Variants in PRP4K observed in about 807,000 individuals in gnomAD.
PRP4K encodes the protein pre-mRNA processing factor kinase PRP4K, also known as serine/threonine-protein kinase PRP4 homolog.
the PRP4K span, among the ~76,000 whole-genome samples, chr6:4,024,042 T>C: frequency 6.6e-6 from 1 of 152,074 alleles, no homozygotes; most frequent in Non-Finnish European, 1.5e-5. Flanking sequence ...AATTTTTGTA[T>C]TTTTAGTAGA....
At chr6:4,047,528 C>T in the PRP4K span, among the ~76,000 whole-genome samples, 2 of 152,104 alleles carry the variant, frequency 1.3e-5, no homozygotes, top group Non-Finnish European at 2.9e-5. Flanking sequence ...TAAATACATA[C>T]ACATACATGT....
At chr6:4,037,279 A>T in the PRP4K span, 1 of 966,966 alleles carries the variant, frequency 1.0e-6, no homozygotes, top group Non-Finnish European at 1.4e-6. Context: ...AAAACACATT[A>T]ATCAAAGTTC....
the PRP4K span, among the ~76,000 whole-genome samples, chr6:4,030,869 T>C: frequency 6.6e-6 from 1 of 152,200 alleles, no homozygotes; most frequent in Non-Finnish European, 1.5e-5. Flanking sequence ...ACTTCCGGTT[T>C]AGTTCACTTT....
chr6:4,035,740 G>T, the PRP4K span, among the ~76,000 whole-genome samples: 3 of 152,118 alleles, frequency 2.0e-5, no homozygotes, highest in African/African-American at 7.2e-5. Context: ...GGCTGAGACG[G>T]GTGGATCACC....
chr6:4,038,336 C>T, the PRP4K span, among the ~76,000 whole-genome samples: 2 of 151,742 alleles, frequency 1.3e-5, no homozygotes, highest in Non-Finnish European at 2.9e-5. Context: ...CTGTTGCCCA[C>T]GCTGGAGTGC....
the PRP4K span, chr6:4,058,663 A>T: frequency 8.8e-7 from 1 of 1,132,748 alleles, no homozygotes; most frequent in Non-Finnish European, 1.3e-6. Flanking sequence ...ATTGTATATT[A>T]ATTAAATTGT....
chr6:4,028,034 GAA>G, the PRP4K span, among the ~76,000 whole-genome samples: 3 of 151,810 alleles, frequency 2.0e-5, no homozygotes, highest in African/African-American at 7.2e-5. Flanking sequence ...CAAGGTTCAG[GAA>G]AAAAAAGACC....
At chr6:4,034,706 ATTTATTTTAT>A in the PRP4K span, among the ~76,000 whole-genome samples, 3 of 151,742 alleles carry the variant, frequency 2.0e-5, no homozygotes, top group East Asian at 5.8e-4. Flanking sequence ...ATTTTTATTT[ATTTATTTTAT>A]TTTATTTTAT....
chr6:4,043,674 T>C, the PRP4K span: 1 of 825,022 alleles, frequency 1.2e-6, no homozygotes, highest in Non-Finnish European at 1.9e-6. Flanking sequence ...CAGATTTGAT[T>C]GAACCAATAA....
chr6:4,057,338 C>A, the PRP4K span: 1 of 800,488 alleles, frequency 1.2e-6, no homozygotes, highest in South Asian at 1.8e-5. Context: ...TTTCCCTTTT[C>A]TGGTGTTTTA....
the PRP4K span, among the ~76,000 whole-genome samples, chr6:4,036,336 T>A: frequency 6.6e-6 from 1 of 152,100 alleles, no homozygotes; most frequent in East Asian, 1.9e-4. Flanking sequence ...ATCCTCCCAC[T>A]TGAGCCTCCC....
the PRP4K span, chr6:4,032,340 A>G: frequency 2.5e-6 from 4 of 1,614,074 alleles, no homozygotes; most frequent in South Asian, 1.1e-5. Context: ...AAAAGATAGG[A>G]AAAAATCCCC....
At chr6:4,056,658 G>A in the PRP4K span, 31 of 1,563,922 alleles carry the variant, frequency 2.0e-5, no homozygotes, top group South Asian at 2.2e-4. Context: ...GAAAATCCTC[G>A]ACTTTAGAAG....
At chr6:4,054,090 A>G in the PRP4K span, among the ~76,000 whole-genome samples, 1 of 151,662 alleles carries the variant, frequency 6.6e-6, no homozygotes, top group Non-Finnish European at 1.5e-5. Flanking sequence ...ATTAAAAAAA[A>G]TTTTTTTTAG....
the PRP4K span, among the ~76,000 whole-genome samples, chr6:4,054,051 C>CTAG: frequency 6.6e-6 from 1 of 151,672 alleles, no homozygotes; most frequent in Non-Finnish European, 1.5e-5. Context: ...CTGGGACTAC[C>CTAG]CACAGGCACA....
chr6:4,026,303 C>CTT, the PRP4K span, among the ~76,000 whole-genome samples: 2 of 118,892 alleles, frequency 1.7e-5, no homozygotes, highest in African/African-American at 6.2e-5. Context: ...TGTGCCCAGC[C>CTT]TTTTTTTTTT....
the PRP4K span, chr6:4,063,921 T>C: frequency 6.6e-6 from 1 of 152,178 alleles, no homozygotes; most frequent in East Asian, 1.9e-4. Flanking sequence ...ATTGTCAGAC[T>C]TGAGGGCTCA....
At chr6:4,021,781 C>T in the PRP4K span, among the ~76,000 whole-genome samples, 314 of 152,316 alleles carry the variant, frequency 2.1e-3, 1 homozygote, top group African/African-American at 7.3e-3. Flanking sequence ...CTTTCCTATG[C>T]CTCTTTTGGG....
the PRP4K span, among the ~76,000 whole-genome samples, chr6:4,060,106 G>A: frequency 7.9e-5 from 12 of 152,222 alleles, no homozygotes; most frequent in Non-Finnish European, 1.5e-4. The surrounding 1 kb of genome is among the most constrained non-coding windows in gnomAD (Gnocchi z 4.7). Context: ...AGGGTAAGTA[G>A]TATGGCCTTT....
Sources: allele counts gnomAD v4.1 joint callset (sites outside exome capture counted in the v4.1 genomes callset), GRCh38; gene constraint gnomAD v4.1.1; non-coding constraint Gnocchi (gnomAD v3.1); transcripts MANE v1.5; gene names NCBI Gene and HGNC (gene_info 2026-07-23, HGNC 2026-07-21).